Variants in NFIC observed in about 807,000 individuals in gnomAD.
NFIC encodes the protein nuclear factor I C.
NFIC carries 12 observed loss-of-function variants against 54.4 expected under a neutral mutation model. That is an observed-to-expected ratio of 0.22 (90% CI 0.14 to 0.36). NFIC has a LOEUF of 0.36. NFIC is among the 10% of genes least tolerant of loss of function. The pLI is 1.00. For missense variants in NFIC, 575 were observed against 718.2 expected, an observed-to-expected ratio of 0.80 and a Z score of 2.28; for synonymous variants, 322 against 319.2, an observed-to-expected ratio of 1.01 and a Z score of -0.09.
chr19:3,406,804 GC>G (rs1244162199), intron 2 of NFIC, among the ~76,000 whole-genome samples: 1 of 152,182 alleles, frequency 6.6e-6, no homozygotes, highest in Non-Finnish European at 1.5e-5. Context: ...CAGATTCTGT[GC>G]CGGGAGCTGT....
chr19:3,399,067 AC>A (rs1339311150), intron 2 of NFIC, among the ~76,000 whole-genome samples: 1 of 152,170 alleles, frequency 6.6e-6, no homozygotes, highest in African/African-American at 2.4e-5. Context: ...TCTGGGTGTC[AC>A]CTGGTTAAGT....
chr19:3,425,945 TTTTTTTTG>T, intron 3 of NFIC, among the ~76,000 whole-genome samples: 1 of 103,792 alleles, frequency 9.6e-6, no homozygotes, highest in African/African-American at 4.0e-5. Context: ...TTTTTTTTTT[TTTTTTTTG>T]AGATGGAGTA....
At chr19:3,402,337 A>C (rs1462035421) in intron 2 of NFIC, among the ~76,000 whole-genome samples, 1 of 152,242 alleles carries the variant, frequency 6.6e-6, no homozygotes, top group East Asian at 1.9e-4. Flanking sequence ...GGCTGGAGCC[A>C]CTGCGCCCAG....
Position 3,375,641 on chromosome 19 carries a change from T to C in NFIC, c.31-6071T>C, listed in dbSNP as rs1055530968. ...ACGGTGACTCACGCTTTGGGGGACA[T>C]TGGGGTGGGGGAGCTTCGCTGGTAC... On this transcript the variant is annotated intron_variant, in intron 1 of 10. Transcript: ENST00000443272. This position sits in a 1 kb window ranked among gnomAD's most constrained non-coding sequence, Gnocchi z 4.6. Among the ~76,000 whole-genome samples the C allele has an allele frequency of 6.6e-5, 10 of 152,270 alleles. No individual in the cohort carries two copies. Among genetic ancestry groups the C allele is most frequent in the African/African-American group, 2.2e-4 (9 of 41,570 alleles).
chr19:3,466,910 T>C lies in NFIC; in HGVS notation c.*4141T>C, dbSNP rs996391668. On this transcript the variant is annotated 3_prime_UTR_variant, in exon 11 of 11. Coordinates refer to ENST00000443272, the MANE Select transcript of NFIC (RefSeq NM_001245002.2). The surrounding 1 kb of genome is among the most constrained non-coding windows in gnomAD (Gnocchi z 4.8). ...ATACCAGGCAGCATGTTGTGGATGG[T>C]TTAGTTCTCCCCGCCTCCCTGTTTC... The C allele has an allele frequency of 6.6e-6, 1 of 151,856 alleles. No individual in the cohort carries two copies. The highest frequency in any genetic ancestry group is 6.5e-5 in the Admixed American group (1 of 15,268). The allele number at this position is 151,856 out of a possible 1,614,324, so 9.4% of individuals were successfully genotyped here.
At chr19:3,396,154 G>A (rs2081459109) in intron 2 of NFIC, among the ~76,000 whole-genome samples, 1 of 152,138 alleles carries the variant, frequency 6.6e-6, no homozygotes, top group African/African-American at 2.4e-5. Flanking sequence ...TTTGGATGCT[G>A]GGCACGGGAA....
At chr19:3,384,458 G>A (rs112274614) in intron 2 of NFIC, among the ~76,000 whole-genome samples, 42 of 151,380 alleles carry the variant, frequency 2.8e-4, no homozygotes, top group African/African-American at 9.5e-4. Flanking sequence ...ACGCAATCTC[G>A]GCTCACTGCA....
At position 3,468,949 on chromosome 19, in the gene NFIC, C is replaced by T. The variant is rs1291415732; in HGVS notation, c.*6180C>T. The T allele has an allele frequency of 6.6e-6, 1 of 151,392 alleles. No individual in the cohort carries two copies. Among genetic ancestry groups the T allele is most frequent in the Non-Finnish European group, 1.5e-5 (1 of 67,872 alleles). 9.4% of individuals were successfully genotyped at this position (151,392 alleles called of 1,614,324 possible). A position where few individuals can be genotyped will look rare whatever the true frequency, so the allele number is the denominator to read the frequency against. On this transcript the variant is annotated 3_prime_UTR_variant, in exon 11 of 11. Coordinates refer to ENST00000443272, the MANE Select transcript of NFIC (RefSeq NM_001245002.2). ...ACACCTGGGCAGACCCGCCGGCTCT[C>T]CCCCCACCCCACCCCGCCCCTCACA...
intron 10 of NFIC, among the ~76,000 whole-genome samples, chr19:3,457,061 C>A (rs1196571528): frequency 1.3e-5 from 2 of 152,176 alleles, no homozygotes; most frequent in African/African-American, 4.8e-5. Flanking sequence ...AGAGGGACCG[C>A]GGGGTGGCCG....
chr19:3,446,147 CAG>C (rs2082371403), intron 6 of NFIC, among the ~76,000 whole-genome samples: 1 of 152,232 alleles, frequency 6.6e-6, no homozygotes, highest in Non-Finnish European at 1.5e-5. Context: ...AAGCTCCTGA[CAG>C]GGCAGACGGT....
At chr19:3,361,482 C>A (rs1252004861) in intron 1 of NFIC, among the ~76,000 whole-genome samples, 1 of 151,998 alleles carries the variant, frequency 6.6e-6, no homozygotes, top group African/African-American at 2.4e-5. Context: ...AGGGAAATCC[C>A]CGCCGCTCTC....
chr19:3,452,486 C>G lies in NFIC; in HGVS notation c.1089C>G (p.Ile363Met), dbSNP rs267605402. The G allele has an allele frequency of 1.9e-5, 30 of 1,611,322 alleles. No homozygotes were observed. The highest frequency in any genetic ancestry group is 1.6e-4 in the Middle Eastern group (1 of 6,082). ...HRPVIAVHSGIARSPHPSSAL... is the reference protein window; with the variant it reads ...HRPVIAVHSGMARSPHPSSAL... Reference sequence around the variant, plus strand: ...CGCTTCCCACTGTCTCCGCAGGGATCGCCCGGAGCCCACACCCGTCCTCCG... The same window carrying G: ...CGCTTCCCACTGTCTCCGCAGGGATGGCCCGGAGCCCACACCCGTCCTCCG... The change falls in exon 8 of 11, where the codon ATC becomes ATG. Residue 363 changes from isoleucine to methionine, a missense_variant. By Grantham distance (10) the Ile-to-Met change is conservative. Around this residue, in one of 3 missense-constraint regions of NFIC, gnomAD observed 447 missense variants for 526.9 expected, o/e 0.85. Transcript: ENST00000443272. The surrounding 1 kb of genome is among the most constrained non-coding windows in gnomAD (Gnocchi z 5.3).
Position 3,381,754 on chromosome 19 carries a change from C to T in NFIC, c.73C>T (p.Arg25Cys), listed in dbSNP as rs931948831. Residue 25 changes from arginine (R) to cysteine (C), a missense_variant, in exon 2 of 11, where the codon CGC becomes TGC. Around this residue, in one of 3 missense-constraint regions of NFIC, gnomAD observed 122 missense variants for 158.0 expected, o/e 0.77. Coordinates refer to ENST00000443272, the MANE Select transcript of NFIC (RefSeq NM_001245002.2). ...PFIEALLPHV[R>C]AFAYTWFNLQ... ...CATCGAGGCCCTGCTGCCTCACGTC[C>T]GCGCCTTCGCCTACACCTGGTTCAA... 6.2e-7 allele frequency: 1 copy of T among 1,613,744 alleles called. No homozygotes were observed. The highest frequency in any genetic ancestry group is 1.3e-5 in the African/African-American group (1 of 74,944).
rs1397206348 is a variant in NFIC, at chr19:3,467,754, TATAC to T, written c.*4989_*4992del. ...TTTGACCTCCAGTGTAGGGCTATAC[TATAC>T]ATATATATATATATATATATATATA... On this transcript the variant is annotated 3_prime_UTR_variant, in exon 11 of 11. Transcript: ENST00000443272. 89 of 75,578 alleles carry T rather than the reference TATAC, an allele frequency of 1.2e-3. No individual in the cohort carries two copies. The highest frequency in any genetic ancestry group is 0.012 in the Middle Eastern group (2 of 170). 4.7% of individuals were successfully genotyped at this position (75,578 alleles called of 1,614,324 possible).
At chr19:3,401,774 T>G (rs935914636) in intron 2 of NFIC, among the ~76,000 whole-genome samples, 1 of 151,582 alleles carries the variant, frequency 6.6e-6, no homozygotes, top group Admixed American at 6.6e-5. Context: ...CAGGCTGGAG[T>G]GCAGTGGTGC....
At chr19:3,427,672 C>G (rs980321181) in intron 3 of NFIC, among the ~76,000 whole-genome samples, 8 of 150,440 alleles carry the variant, frequency 5.3e-5, no homozygotes, top group Admixed American at 2.0e-4. Context: ...ACTAAAAATA[C>G]AAAAATTAGT....
intron 6 of NFIC, 152 bp downstream of exon 6, chr19:3,435,359 C>A: frequency 1.7e-6 from 2 of 1,190,834 alleles, no homozygotes; most frequent in Non-Finnish European, 2.3e-6. Flanking sequence ...TCCCGAGCTG[C>A]GCTTGGCTGG....
chr19:3,429,138 C>T (rs13346111), intron 3 of NFIC, among the ~76,000 whole-genome samples: 1,098 of 24,952 alleles, frequency 0.044, 35 homozygotes, highest in Middle Eastern at 0.37. Flanking sequence ...AAAAAATATA[C>T]ACACACACAC....
At chr19:3,368,937 G>A (rs2080947399) in intron 1 of NFIC, among the ~76,000 whole-genome samples, 2 of 151,582 alleles carry the variant, frequency 1.3e-5, no homozygotes, top group Admixed American at 6.6e-5. Flanking sequence ...GTGTGTGTGT[G>A]TGTGTGTGTG....
Sources: gnomAD v4.1 joint callset for allele counts (sites outside exome capture counted in the v4.1 genomes callset) on GRCh38, gnomAD v4.1.1 for gene constraint, gnomAD v4.1.1 regional missense constraint, Gnocchi (gnomAD v3.1) non-coding constraint, MANE v1.5 for transcripts, NCBI Gene and HGNC (gene_info 2026-07-23, HGNC 2026-07-21) for gene names.